The following MYLK4 variants were observed in gnomAD, a reference collection of about 807,000 sequenced individuals.
MYLK4 encodes myosin light chain kinase family member 4.
In MYLK4, 46 loss-of-function variants were observed where a neutral mutation model predicts 48.1. The ratio of observed to expected loss-of-function variants is 0.96; its 90% CI spans 0.75 to 1.22. The LOEUF is 1.22. MYLK4 is among the 50% of genes most tolerant of loss of function. The pLI, the probability that MYLK4 is intolerant of heterozygous loss-of-function variation, is 0.00. For missense variants in MYLK4, 451 were observed against 486.1 expected (o/e 0.93, Z 0.68); for synonymous variants, 170 against 180.8 (o/e 0.94, Z 0.48).
chr6:2,762,714 G>A, the MYLK4 span, among the ~76,000 whole-genome samples: 2 of 152,198 alleles, frequency 1.3e-5, no homozygotes, highest in Non-Finnish European at 2.9e-5. Context: ...CACGGAAACT[G>A]TTAACAGTTC....
intron 2 of MYLK4, among the ~76,000 whole-genome samples, 184 bp from the exon 3 acceptor site, chr6:2,693,043 A>G (rs1229328373): frequency 1.3e-5 from 2 of 152,158 alleles, no homozygotes; most frequent in African/African-American, 4.8e-5. Flanking sequence ...AGTTGTGATG[A>G]CCAAAAAGGT....
the MYLK4 span, among the ~76,000 whole-genome samples, chr6:2,762,900 C>G: frequency 6.6e-6 from 1 of 152,168 alleles, no homozygotes; most frequent in African/African-American, 2.4e-5. Context: ...AGAAATAAAG[C>G]TACAAGTCTC....
At chr6:2,695,740 T>C (rs1337244925) in intron 2 of MYLK4, among the ~76,000 whole-genome samples, 1 of 152,240 alleles carries the variant, frequency 6.6e-6, no homozygotes, top group Non-Finnish European at 1.5e-5. Flanking sequence ...GTATTTCTCC[T>C]TTTCTTTTCA....
chr6:2,747,654 T>C (rs1764145063), intron 2 of MYLK4, among the ~76,000 whole-genome samples: 1 of 152,206 alleles, frequency 6.6e-6, no homozygotes, highest in African/African-American at 2.4e-5. Context: ...GTGTCCTGCT[T>C]ATCTCACTCT....
chr6:2,699,205 C>T (rs528183526), intron 2 of MYLK4, among the ~76,000 whole-genome samples: 6 of 150,664 alleles, frequency 4.0e-5, no homozygotes, highest in African/African-American at 1.5e-4. Flanking sequence ...TGAAGATGCA[C>T]GGATAATTTT....
intron 3 of MYLK4, 142 bp downstream of exon 3, chr6:2,692,642 A>G (rs867232141): frequency 0.051 from 10,728 of 210,658 alleles, 341 homozygotes; most frequent in East Asian, 0.14. Flanking sequence ...AAAAAAAAAA[A>G]GGGGGGGGGG....
At chr6:2,768,911 C>T in the MYLK4 span, 3 of 1,578,040 alleles carry the variant, frequency 1.9e-6, no homozygotes, top group African/African-American at 2.7e-5. Context: ...ACCTTTTGGT[C>T]GTTGTGAACA....
rs868226464 is a variant in MYLK4, at chr6:2,672,575, A to T, written c.1120-1227T>A. Among the ~76,000 whole-genome samples the T allele has an allele frequency of 4.6e-5, 7 of 152,232 alleles. No homozygotes were observed. Among genetic ancestry groups the T allele is most frequent in the Non-Finnish European group, 8.8e-5 (6 of 68,034 alleles). On this transcript the variant is annotated intron_variant, in intron 11 of 12. Transcript: ENST00000274643. The surrounding 1 kb of genome is among the most constrained non-coding windows in gnomAD (Gnocchi z 4.3). Reference sequence around the variant, plus strand: ...AGATTGAAATGGTAAACAGTTTTGGATCAGAATTAAATTTTCAACTTAAAA... The same window carrying T: ...AGATTGAAATGGTAAACAGTTTTGGTTCAGAATTAAATTTTCAACTTAAAA...
At chr6:2,759,464 T>C in the MYLK4 span, among the ~76,000 whole-genome samples, 38 of 152,186 alleles carry the variant, frequency 2.5e-4, no homozygotes, top group Non-Finnish European at 3.8e-4. Flanking sequence ...GAAGTACATA[T>C]TTATGTTCTT....
chr6:2,680,192 T>C lies in MYLK4; in HGVS notation c.758+29A>G, dbSNP rs187153815. On this transcript the variant is annotated intron_variant, in intron 8 of 12. Coordinates refer to ENST00000274643, the MANE Select transcript of MYLK4 (RefSeq NM_001012418.5). ...GCAACCATCATGTCCCCCAGCTCCA[T>C]TCGTACACCTATGTCCAAATAGACA... 1.5e-5 allele frequency: 24 copies of C among 1,613,426 alleles called. 1 individual carries two copies. The East Asian group carries it at 5.3e-4, about 36-fold the overall frequency.
At chr6:2,767,570 C>T in the MYLK4 span, among the ~76,000 whole-genome samples, 15 of 149,184 alleles carry the variant, frequency 1.0e-4, no homozygotes, top group African/African-American at 3.1e-4. Flanking sequence ...CAAATAACAT[C>T]TTATGATGAT....
In MYLK4 at chr6:2,664,262, G is replaced by A. The variant is rs1464585042; in HGVS notation, c.*3663C>T. ...AAGAAGTAAAAAAATGTAAAAGAGA[G>A]TGCAAAAGCAAAGGCGAAGCTTTGT... is the stretch of plus-strand genomic sequence containing the variant. On this transcript the variant is annotated 3_prime_UTR_variant, in exon 13 of 13. Transcript: ENST00000274643. 6.6e-6 allele frequency: 1 copy of A among 152,236 alleles called. No homozygotes were observed. Among genetic ancestry groups the A allele is most frequent in the Admixed American group, 6.5e-5 (1 of 15,286 alleles). The allele number at this position is 152,236 out of a possible 1,614,324, so 9.4% of individuals were successfully genotyped here.
chr6:2,677,992 T>C (rs1367005563), intron 10 of MYLK4, among the ~76,000 whole-genome samples: 3 of 152,166 alleles, frequency 2.0e-5, no homozygotes, highest in Admixed American at 6.5e-5. Context: ...CCATGGCTGG[T>C]ATGGCCATAT....
At chr6:2,694,713 C>G (rs1339373516) in intron 2 of MYLK4, among the ~76,000 whole-genome samples, 1 of 151,144 alleles carries the variant, frequency 6.6e-6, no homozygotes, top group Non-Finnish European at 1.5e-5. Context: ...ATGTACCACT[C>G]TTCTAAGCAC....
intron 2 of MYLK4, among the ~76,000 whole-genome samples, chr6:2,711,638 C>A (rs1233826933): frequency 6.6e-6 from 1 of 152,148 alleles, no homozygotes; most frequent in Non-Finnish European, 1.5e-5. Context: ...TATGGAAGGA[C>A]CACGACCTCA....
At chr6:2,763,202 A>T in the MYLK4 span, among the ~76,000 whole-genome samples, 24 of 152,328 alleles carry the variant, frequency 1.6e-4, no homozygotes, top group African/African-American at 5.5e-4. Flanking sequence ...CGATTGGTGT[A>T]TTTACAATCC....
At chr6:2,700,408 G>A (rs1479321376) in intron 2 of MYLK4, among the ~76,000 whole-genome samples, 1 of 152,112 alleles carries the variant, frequency 6.6e-6, no homozygotes, top group African/African-American at 2.4e-5. Context: ...AAAAGGGAGG[G>A]GACCCACTTC....
intron 2 of MYLK4, among the ~76,000 whole-genome samples, chr6:2,728,221 T>G (rs1165451135): frequency 1.3e-5 from 2 of 152,304 alleles, no homozygotes; most frequent in East Asian, 3.9e-4. Context: ...GGGCAGCAAA[T>G]ACTGCTGCAG....
chr6:2,737,977 C>CGGGGGGG (rs1158504264), intron 2 of MYLK4, among the ~76,000 whole-genome samples: 22 of 2,512 alleles, frequency 8.8e-3, no homozygotes, highest in Middle Eastern at 0.12. Flanking sequence ...GTGCCGGGGG[C>CGGGGGGG]GGGTGGGGGG....
Sources: gnomAD v4.1 joint callset for allele counts (sites outside exome capture counted in the v4.1 genomes callset) on GRCh38, gnomAD v4.1.1 for gene constraint, Gnocchi (gnomAD v3.1) non-coding constraint, MANE v1.5 for transcripts, NCBI Gene and HGNC (gene_info 2026-07-23, HGNC 2026-07-21) for gene names.